Variants in MLLT10 observed in about 807,000 individuals in gnomAD.
MLLT10 encodes protein AF-10.
In MLLT10, 30 loss-of-function variants were observed where a neutral mutation model predicts 129.1. The ratio of observed to expected loss-of-function variants is 0.23; its 90% CI spans 0.17 to 0.32. The LOEUF (loss-of-function observed/expected upper bound fraction) is 0.32, where lower values mean the gene tolerates loss of function less well. Ranked by LOEUF, MLLT10 falls within the 10% of genes least tolerant of loss-of-function variation. The pLI, the probability that MLLT10 is intolerant of heterozygous loss-of-function variation, is 1.00. For missense variants in MLLT10, 1,119 were observed against 1,268.3 expected (o/e 0.88, Z 1.79); for synonymous variants, 490 against 446.4 (o/e 1.10, Z -1.23).
chr10:21,549,821 T>A (rs2036696834), intron 3 of MLLT10, among the ~76,000 whole-genome samples: 1 of 152,054 alleles, frequency 6.6e-6, no homozygotes, highest in South Asian at 2.1e-4. Context: ...GTATTTTTTG[T>A]AGAAATGGGG....
chr10:21,718,913 G>A (rs2056942120), intron 14 of MLLT10, among the ~76,000 whole-genome samples: 1 of 152,120 alleles, frequency 6.6e-6, no homozygotes, highest in African/African-American at 2.4e-5. Context: ...TGGTAGAGAT[G>A]GGGTTTCACC....
At chr10:21,610,984 C>CTTTTTTTTTTTTTT (rs71393913) in intron 5 of MLLT10, among the ~76,000 whole-genome samples, 67 of 102,878 alleles carry the variant, frequency 6.5e-4, no homozygotes, top group African/African-American at 1.0e-3. Context: ...TCTTTTTTCT[C>CTTTTTTTTTTTTTT]TTTTTTTTTT....
chr10:21,569,047 T>A (rs1189429939), intron 3 of MLLT10, among the ~76,000 whole-genome samples: 2 of 152,216 alleles, frequency 1.3e-5, no homozygotes, highest in African/African-American at 4.8e-5. Flanking sequence ...AAATTCATGG[T>A]AACACCTGAA....
In MLLT10 at chr10:21,673,447, T is replaced by G; in HGVS notation, c.1149T>G (p.Arg383=). 1.2e-6 allele frequency: 2 copies of G among 1,613,628 alleles called. No individual in the cohort carries two copies. The highest frequency in any genetic ancestry group is 1.3e-5 in the African/African-American group (1 of 74,878). The change falls in exon 11 of 23, where the codon CGT becomes CGG. Residue 383 remains arginine, a synonymous_variant. Transcript: ENST00000307729. ...DFLSFTDSDL[R]NDSYSHSQQS... is the part of the protein sequence containing the mutation. ...TGAGCTTTACAGACTCAGATCTGCG[T>G]AATGACAGTTACTCTCACTCCCAAC...
intron 9 of MLLT10, among the ~76,000 whole-genome samples, chr10:21,653,944 T>C (rs547032038): frequency 4.6e-5 from 7 of 152,336 alleles, no homozygotes; most frequent in African/African-American, 1.7e-4. Flanking sequence ...CAGGACCTCC[T>C]GTGTCGAAAG....
At chr10:21,694,606 G>C (rs1205026047) in intron 13 of MLLT10, among the ~76,000 whole-genome samples, 1 of 152,150 alleles carries the variant, frequency 6.6e-6, no homozygotes, top group Non-Finnish European at 1.5e-5. Flanking sequence ...AAATTGTTCA[G>C]GTTAGCCAGT....
At chr10:21,552,074 A>G (rs751615217) in intron 3 of MLLT10, among the ~76,000 whole-genome samples, 2 of 151,980 alleles carry the variant, frequency 1.3e-5, no homozygotes, top group Non-Finnish European at 2.9e-5. Flanking sequence ...CTATAGGTAC[A>G]CACCGCCATG....
At chr10:21,710,332 G>A (rs936547057) in intron 13 of MLLT10, among the ~76,000 whole-genome samples, 2 of 152,276 alleles carry the variant, frequency 1.3e-5, no homozygotes, top group African/African-American at 4.8e-5. Context: ...GATGCTGATG[G>A]ATTAAAGTCT....
At chr10:21,710,088 G>C (rs2055928591) in intron 13 of MLLT10, among the ~76,000 whole-genome samples, 1 of 152,180 alleles carries the variant, frequency 6.6e-6, no homozygotes, top group South Asian at 2.1e-4. Context: ...CTCTATCTTA[G>C]TTTTCTAAGT....
chr10:21,658,577 T>C (rs970976756), intron 9 of MLLT10, among the ~76,000 whole-genome samples: 8 of 152,238 alleles, frequency 5.3e-5, no homozygotes, highest in African/African-American at 1.4e-4. Context: ...ATAAATCTTA[T>C]AAGATATATG....
chr10:21,698,244 G>A (rs2054559958), intron 13 of MLLT10, among the ~76,000 whole-genome samples: 1 of 152,042 alleles, frequency 6.6e-6, no homozygotes, highest in African/African-American at 2.4e-5. Flanking sequence ...GCCAGCCTCT[G>A]GTATTTGTTA....
intron 4 of MLLT10, among the ~76,000 whole-genome samples, chr10:21,594,059 A>G (rs2042776457): frequency 6.7e-6 from 1 of 150,314 alleles, no homozygotes; most frequent in Non-Finnish European, 1.5e-5. Context: ...ATTTAGGATT[A>G]CCTTCGTCAA....
intron 11 of MLLT10, among the ~76,000 whole-genome samples, chr10:21,675,657 A>T (rs2052014842): frequency 6.6e-6 from 1 of 152,210 alleles, no homozygotes; most frequent in Non-Finnish European, 1.5e-5. Flanking sequence ...TTAGTCAAAA[A>T]ATTGAATTTC....
At chr10:21,729,686 TTCC>T (rs576711987) in intron 16 of MLLT10, among the ~76,000 whole-genome samples, 31 of 152,316 alleles carry the variant, frequency 2.0e-4, no homozygotes, top group Middle Eastern at 3.4e-3. Flanking sequence ...TCCGTCCTGT[TTCC>T]TCATTTGAAA....
intron 8 of MLLT10, among the ~76,000 whole-genome samples, chr10:21,623,342 A>C (rs1256443289): frequency 1.3e-5 from 2 of 152,192 alleles, no homozygotes; most frequent in African/African-American, 4.8e-5. Context: ...TTACCTTATT[A>C]GTGTAAACTC....
At chr10:21,677,121 C>T (rs551846810) in intron 11 of MLLT10, among the ~76,000 whole-genome samples, 1 of 152,272 alleles carries the variant, frequency 6.6e-6, no homozygotes, top group South Asian at 2.1e-4. Context: ...GGGTCCAGAG[C>T]CATTTAATTA....
chr10:21,673,881 T>C lies in MLLT10; in HGVS notation c.1583T>C (p.Leu528Ser), dbSNP rs769546539. 1.1e-5 allele frequency: 18 copies of C among 1,611,484 alleles called. No individual in the cohort carries two copies. In the South Asian group the frequency reaches 1.5e-4, roughly 14 times the overall value. The change falls in exon 11 of 23, where the codon TTA (leucine) becomes TCA (serine). Residue 528 changes from leucine to serine, a missense_variant. Physicochemically the swap from Leu to Ser is moderately radical, Grantham distance 145. Transcript: ENST00000307729. ...CCTACATTGCTCAGGAATGGAAGTT[T>C]ACAGAGCCTCAGTGTTGGCTCATCT... ...KSPTLLRNGS[L>S]QSLSVGSSPV...
chr10:21,625,516 A>T (rs2046346671), intron 8 of MLLT10: 1 of 895,380 alleles, frequency 1.1e-6, no homozygotes, highest in Admixed American at 1.7e-5. Flanking sequence ...CCATACTTTT[A>T]CTTTTCCAGC....
intron 8 of MLLT10, among the ~76,000 whole-genome samples, chr10:21,650,442 G>C (rs1310517782): frequency 6.6e-6 from 1 of 152,094 alleles, no homozygotes; most frequent in Admixed American, 6.5e-5. Context: ...TACGTACTTA[G>C]ATCAGGAATT....
Sources: allele counts gnomAD v4.1 joint callset (sites outside exome capture counted in the v4.1 genomes callset), GRCh38; gene constraint gnomAD v4.1.1; transcripts MANE v1.5; gene names NCBI Gene and HGNC (gene_info 2026-07-23, HGNC 2026-07-21).